Variants in NRXN1 observed in about 807,000 individuals in gnomAD.
NRXN1 encodes neurexin-1.
Under a neutral mutation model 150.9 loss-of-function variants are expected in NRXN1, and 39 were observed. That is an observed-to-expected ratio of 0.26 (90% confidence interval 0.20 to 0.34). NRXN1 has a LOEUF of 0.34. Ranked by LOEUF, NRXN1 falls within the 10% of genes least tolerant of loss-of-function variation. The pLI, the probability that NRXN1 is intolerant of heterozygous loss-of-function variation, is 1.00. For missense variants in NRXN1, 1,815 were observed against 1,949.9 expected (o/e 0.93, Z 1.30); for synonymous variants, 924 against 757.0 (o/e 1.22, Z -3.62).
At chr2:50,420,610 A>G (rs1395393425) in intron 17 of NRXN1, among the ~76,000 whole-genome samples, 5 of 152,078 alleles carry the variant, frequency 3.3e-5, no homozygotes, top group African/African-American at 2.4e-5. Flanking sequence ...TGTGTTTAAC[A>G]TTTGACCATA....
At chr2:50,839,550 C>A (rs934252075) in intron 5 of NRXN1, among the ~76,000 whole-genome samples, 7 of 152,030 alleles carry the variant, frequency 4.6e-5, no homozygotes, top group Non-Finnish European at 8.8e-5. Flanking sequence ...ACCGATGAGG[C>A]CAGAGAAAGA....
intron 18 of NRXN1, among the ~76,000 whole-genome samples, chr2:50,133,780 C>T (rs187629366): frequency 7.2e-5 from 11 of 152,168 alleles, no homozygotes; most frequent in African/African-American, 2.4e-4. Context: ...CTAACAGTTG[C>T]TATTAACAGA....
intron 18 of NRXN1, among the ~76,000 whole-genome samples, chr2:50,164,847 C>A (rs2059578218): frequency 6.6e-6 from 1 of 152,136 alleles, no homozygotes; most frequent in Non-Finnish European, 1.5e-5. Flanking sequence ...CGATTGAACT[C>A]CAAAATAAAT....
At chr2:50,131,195 A>G (rs1420832906) in intron 18 of NRXN1, among the ~76,000 whole-genome samples, 2 of 152,194 alleles carry the variant, frequency 1.3e-5, no homozygotes, top group African/African-American at 4.8e-5. Flanking sequence ...CATGTTCATT[A>G]TTAATCTTCA....
intron 8 of NRXN1, among the ~76,000 whole-genome samples, chr2:50,585,839 G>C (rs1384731484): frequency 1.3e-5 from 2 of 152,262 alleles, no homozygotes; most frequent in African/African-American, 4.8e-5. Flanking sequence ...CATGAACCCT[G>C]TTCTTTCAGT....
chr2:50,379,601 A>G (rs2103641786), intron 17 of NRXN1, among the ~76,000 whole-genome samples: 1 of 152,204 alleles, frequency 6.6e-6, no homozygotes, highest in South Asian at 2.1e-4. Flanking sequence ...CCTTTATAGC[A>G]TCTTTGAGAG....
chr2:50,402,294 G>A (rs1299288562), intron 17 of NRXN1, among the ~76,000 whole-genome samples: 1 of 151,290 alleles, frequency 6.6e-6, no homozygotes. Flanking sequence ...TTTTTTTGTT[G>A]GTTTTTTTAA....
intron 17 of NRXN1, among the ~76,000 whole-genome samples, chr2:50,319,398 C>G (rs145162655): frequency 1.0e-3 from 153 of 152,210 alleles, no homozygotes; most frequent in Middle Eastern, 6.8e-3. Flanking sequence ...ATACTGATCA[C>G]AAGCTCCTTT....
chr2:50,480,772 T>C (rs979128251), intron 15 of NRXN1, among the ~76,000 whole-genome samples: 2 of 152,120 alleles, frequency 1.3e-5, no homozygotes, highest in African/African-American at 4.8e-5. Context: ...TAACAGTATA[T>C]TGCTTTAGCT....
chr2:50,535,057 T>C (rs927608759), intron 10 of NRXN1, among the ~76,000 whole-genome samples: 2 of 152,160 alleles, frequency 1.3e-5, no homozygotes, highest in Non-Finnish European at 2.9e-5. Flanking sequence ...TGTTGATAAA[T>C]GACAAATGAA....
At chr2:50,252,861 T>C (rs936895262) in intron 17 of NRXN1, among the ~76,000 whole-genome samples, 2 of 152,178 alleles carry the variant, frequency 1.3e-5, no homozygotes, top group African/African-American at 4.8e-5. Flanking sequence ...TCCAGGTTTA[T>C]TCTCTTCATT....
intron 5 of NRXN1, among the ~76,000 whole-genome samples, chr2:50,887,390 T>C (rs1189629806): frequency 6.6e-6 from 1 of 151,496 alleles, no homozygotes; most frequent in African/African-American, 2.4e-5. Context: ...TTGAGAAAGC[T>C]GGCCATATTT....
intron 18 of NRXN1, among the ~76,000 whole-genome samples, chr2:50,148,329 A>G (rs929690856): frequency 1.3e-5 from 2 of 151,586 alleles, no homozygotes; most frequent in East Asian, 3.9e-4. Context: ...ATAAATCCAA[A>G]GCTAATATTA....
In NRXN1 at chr2:50,112,615, T is replaced by G. The variant is rs538250678; in HGVS notation, c.3547-21121A>C. On this transcript the variant is annotated intron_variant, in intron 18 of 22. Transcript: ENST00000401669. ...GTGAACTTTTAGATGGAGATAGGAT[T>G]CCATGAGGGTGCAAGGGCTGTTTCA... Among the ~76,000 whole-genome samples the G allele has an allele frequency of 2.6e-5, 4 of 152,282 alleles. 1 individual carries two copies. In the East Asian group the frequency reaches 7.7e-4, roughly 29 times the overall value.
chr2:50,256,815 A>T (rs1574780266), intron 17 of NRXN1, among the ~76,000 whole-genome samples: 2 of 152,108 alleles, frequency 1.3e-5, no homozygotes, highest in South Asian at 4.1e-4. Flanking sequence ...ATGTGTCTGC[A>T]TTCTCCTGCC....
intron 18 of NRXN1, among the ~76,000 whole-genome samples, chr2:50,209,995 T>A (rs1483837304): frequency 6.6e-6 from 1 of 152,016 alleles, no homozygotes; most frequent in African/African-American, 2.4e-5. Context: ...TGTTTATCTC[T>A]CAACTCTCTA....
At chr2:50,526,382 T>G (rs1468148073) in intron 12 of NRXN1, among the ~76,000 whole-genome samples, 1 of 152,206 alleles carries the variant, frequency 6.6e-6, no homozygotes. Flanking sequence ...TGTTATCGGC[T>G]GTGATTTAAT....
At chr2:50,349,538 A>G (rs1040578057) in intron 17 of NRXN1, among the ~76,000 whole-genome samples, 2 of 152,234 alleles carry the variant, frequency 1.3e-5, no homozygotes, top group Non-Finnish European at 2.9e-5. Context: ...CTGGATTAGG[A>G]GTTAGGAAAT....
intron 9 of NRXN1, among the ~76,000 whole-genome samples, chr2:50,541,722 C>T (rs1388944589): frequency 1.3e-5 from 2 of 148,534 alleles, no homozygotes; most frequent in East Asian, 4.1e-4. Context: ...CACACACACA[C>T]TCTGAAACAA....
Sources: allele counts gnomAD v4.1 joint callset (sites outside exome capture counted in the v4.1 genomes callset), GRCh38; gene constraint gnomAD v4.1.1; transcripts MANE v1.5; gene names NCBI Gene and HGNC (gene_info 2026-07-23, HGNC 2026-07-21).